EPG5: variants seen among roughly 807,000 people sequenced by gnomAD.
EPG5 encodes ectopic P-granules 5 autophagy tethering factor.
Under a neutral mutation model 302.7 loss-of-function variants are expected in EPG5, and 159 were observed. The ratio of observed to expected loss-of-function variants is 0.53; its 90% CI spans 0.46 to 0.60. The LOEUF is 0.60. Among genes scored for constraint, EPG5 ranks in the 20% least tolerant of loss-of-function variants. The pLI is 0.00. For synonymous variants in EPG5, 1,158 were observed against 1,136.8 expected (o/e 1.02, Z -0.37); for missense variants, 2,896 against 3,092.4 (o/e 0.94, Z 1.51).
chr18:45,954,382 T>C lies in EPG5; in HGVS notation c.1008+12A>G, dbSNP rs759581799. On this transcript the variant is annotated intron_variant, in intron 2 of 43. Coordinates refer to ENST00000282041, the MANE Select transcript of EPG5 (RefSeq NM_020964.3). ...CTCCGCTGCAAATTCCCCAGGCTTC[T>C]GATCAAAATACCTGTACAGACATTT... 3.2e-6 allele frequency: 5 copies of C among 1,573,406 alleles called. No homozygotes were observed. The highest frequency in any genetic ancestry group is 3.4e-6 in the Non-Finnish European group (4 of 1,162,098).
intron 1 of EPG5, among the ~76,000 whole-genome samples, chr18:45,956,831 T>A (rs2051045108): frequency 6.6e-6 from 1 of 152,000 alleles, no homozygotes; most frequent in Admixed American, 6.6e-5. Context: ...ATGGGAAGTC[T>A]CTGTATTATA....
the EPG5 span, among the ~76,000 whole-genome samples, chr18:45,800,648 G>A: frequency 1.3e-5 from 2 of 152,130 alleles, no homozygotes; most frequent in Middle Eastern, 3.2e-3. Context: ...AGCTCTTGAC[G>A]AATTTGCAGC....
the EPG5 span, among the ~76,000 whole-genome samples, chr18:45,814,227 A>C: frequency 6.6e-6 from 1 of 152,220 alleles, no homozygotes; most frequent in African/African-American, 2.4e-5. Flanking sequence ...ATGGTATTCC[A>C]GAGGGGACAG....
intron 37 of EPG5, 58 bp downstream of exon 37, chr18:45,867,504 TA>T (rs1280631861): frequency 8.6e-6 from 12 of 1,397,770 alleles, no homozygotes; most frequent in Non-Finnish European, 1.1e-5. Flanking sequence ...TACGACCTAG[TA>T]GAAAGCAAAG....
chr18:45,885,509 C>T (rs559604270), intron 29 of EPG5, among the ~76,000 whole-genome samples: 14 of 152,062 alleles, frequency 9.2e-5, no homozygotes, highest in Non-Finnish European at 1.9e-4. Flanking sequence ...ATAGATTTTA[C>T]TGAGAGTTAT....
At chr18:45,842,141 G>A in the EPG5 span, 1 of 1,614,172 alleles carries the variant, frequency 6.2e-7, no homozygotes, top group Non-Finnish European at 8.5e-7. Context: ...GAAAATTTGA[G>A]CCAGATGAAC....
chr18:45,856,905 A>T (rs2048526422), intron 42 of EPG5, among the ~76,000 whole-genome samples: 1 of 152,074 alleles, frequency 6.6e-6, no homozygotes, highest in Non-Finnish European at 1.5e-5. Flanking sequence ...CTTCTTACCA[A>T]CAGGCCTTTT....
At chr18:45,918,531 GA>G (rs1250001452) in intron 16 of EPG5, among the ~76,000 whole-genome samples, 1 of 151,952 alleles carries the variant, frequency 6.6e-6, no homozygotes, top group Non-Finnish European at 1.5e-5. Context: ...TCACTTCAAA[GA>G]ATCTATCCTT....
chr18:45,960,527 A>T (rs1417999195), intron 1 of EPG5, among the ~76,000 whole-genome samples: 4 of 118,458 alleles, frequency 3.4e-5, no homozygotes, highest in Non-Finnish European at 7.0e-5. Flanking sequence ...CATACAGATT[A>T]AAAAACGATT....
At chr18:45,933,560 C>T (rs1024568948) in intron 11 of EPG5, among the ~76,000 whole-genome samples, 4 of 151,960 alleles carry the variant, frequency 2.6e-5, no homozygotes, top group African/African-American at 4.8e-5. Context: ...CACCTGTAAT[C>T]CCAGCTACTC....
chr18:45,937,383 C>A (rs1159366792), intron 10 of EPG5, among the ~76,000 whole-genome samples: 2 of 150,928 alleles, frequency 1.3e-5, no homozygotes, highest in Non-Finnish European at 2.9e-5. Context: ...TATATATACA[C>A]ACACACATAT....
At chr18:45,806,569 C>T in the EPG5 span, among the ~76,000 whole-genome samples, 1 of 152,074 alleles carries the variant, frequency 6.6e-6, no homozygotes, top group Non-Finnish European at 1.5e-5. Context: ...CACACCTCCC[C>T]ACCCCCACAC....
Position 45,878,368 on chromosome 18 carries a change from C to G in EPG5, c.5942+8G>C. The G allele has an allele frequency of 6.3e-7, 1 of 1,580,986 alleles. No homozygotes were observed. On this transcript the variant is annotated splice_region_variant and intron_variant, in intron 34 of 43. Coordinates refer to ENST00000282041, the MANE Select transcript of EPG5 (RefSeq NM_020964.3). The stretch of plus-strand genomic sequence containing the variant: ...CAAAGGAATTTGAATATCTAAAAAA[C>G]TGTTTACCTTTCGTTGTCCTCTAAA...
the EPG5 span, among the ~76,000 whole-genome samples, chr18:45,800,947 A>T: frequency 1.3e-5 from 2 of 152,198 alleles, no homozygotes; most frequent in African/African-American, 2.4e-5. Flanking sequence ...TTTTTGAAAG[A>T]GGTGGTGTAT....
intron 7 of EPG5, among the ~76,000 whole-genome samples, chr18:45,945,835 A>T (rs2050775680): frequency 6.6e-6 from 1 of 152,178 alleles, no homozygotes; most frequent in Non-Finnish European, 1.5e-5. Context: ...TCAGGAAGAG[A>T]AAAACGACTG....
At chr18:45,879,928 G>C (rs1035081899) in intron 32 of EPG5, 147 bp downstream of exon 32, 1 of 812,606 alleles carries the variant, frequency 1.2e-6, no homozygotes, top group African/African-American at 1.7e-5. Context: ...CTGGAAAAAG[G>C]GGACACGAGG....
the EPG5 span, chr18:45,842,509 C>A: frequency 3.3e-6 from 1 of 302,596 alleles, no homozygotes; most frequent in Non-Finnish European, 6.3e-6. Context: ...TTCCCTTGCC[C>A]TTTCTTACCT....
rs201117195 is a variant in EPG5 at position 45,904,004 on chromosome 18, G to A, written c.4443C>T (p.Ser1481=). The change falls in exon 25 of 44, where the codon TCC becomes TCT. Residue 1481 remains serine (S), a synonymous_variant. Transcript: ENST00000282041. The part of the protein sequence containing the change: ...LESHSTPCSL[S]VQLDFTDPLL... ...AAGGATCAGTGAAGTCCAGCTGCAC[G>A]GACAAACTGCAGGGTGTGGAATGGG... The A allele has an allele frequency of 4.7e-5, 76 of 1,612,104 alleles. No homozygotes were observed. Among genetic ancestry groups the A allele is most frequent in the South Asian group, 7.7e-5 (7 of 90,748 alleles).
the EPG5 span, among the ~76,000 whole-genome samples, chr18:45,815,566 TA>T: frequency 6.6e-6 from 1 of 152,080 alleles, no homozygotes; most frequent in African/African-American, 2.4e-5. Flanking sequence ...ATAAAATACT[TA>T]CGAATCTACC....
Sources: gnomAD v4.1 joint callset for allele counts (sites outside exome capture counted in the v4.1 genomes callset) on GRCh38, gnomAD v4.1.1 for gene constraint, MANE v1.5 for transcripts, NCBI Gene and HGNC (gene_info 2026-07-23, HGNC 2026-07-21) for gene names.